SPACA7: variants seen among roughly 807,000 people sequenced by gnomAD.
SPACA7 encodes the protein sperm acrosome associated 7.
Under a neutral mutation model 26.3 loss-of-function variants are expected in SPACA7, and 19 were observed. The ratio of observed to expected loss-of-function variants is 0.72; its 90% CI spans 0.50 to 1.06. The LOEUF (loss-of-function observed/expected upper bound fraction) is 1.06, where lower values mean the gene tolerates loss of function less well. SPACA7 is among the 50% of genes least tolerant of loss of function. The pLI is 0.00. For synonymous variants in SPACA7, 84 were observed against 84.5 expected, an observed-to-expected ratio of 0.99 and a Z score of 0.04; for missense variants, 211 against 229.9, an observed-to-expected ratio of 0.92 and a Z score of 0.53.
At chr13:112,407,345 G>A (rs936392022) in intron 5 of SPACA7, among the ~76,000 whole-genome samples, 2 of 152,156 alleles carry the variant, frequency 1.3e-5, no homozygotes, top group Non-Finnish European at 2.9e-5. Context: ...AAAGCTAGCA[G>A]AAGGCAAGAA....
At chr13:112,391,688 A>C (rs1316004663) in intron 1 of SPACA7, among the ~76,000 whole-genome samples, 2 of 152,190 alleles carry the variant, frequency 1.3e-5, no homozygotes, top group Non-Finnish European at 2.9e-5. Context: ...TAAAACCCAA[A>C]TATTTTACTC....
intron 5 of SPACA7, among the ~76,000 whole-genome samples, chr13:112,404,519 T>C (rs1224317240): frequency 6.6e-6 from 1 of 152,212 alleles, no homozygotes; most frequent in Non-Finnish European, 1.5e-5. Context: ...TTTTTTCCAA[T>C]GTTATCTTCT....
At chr13:112,387,021 T>C (rs1471635319) in intron 1 of SPACA7, among the ~76,000 whole-genome samples, 1 of 152,094 alleles carries the variant, frequency 6.6e-6, no homozygotes, top group African/African-American at 2.4e-5. Flanking sequence ...AAATAAGAAA[T>C]CAGAAAGGAA....
chr13:112,393,204 A>G (rs1159953294), intron 2 of SPACA7, 127 bp downstream of exon 2: 1 of 659,552 alleles, frequency 1.5e-6, no homozygotes, highest in African/African-American at 1.8e-5. Flanking sequence ...GTTTGGGGCT[A>G]GAATCATATA....
At chr13:112,399,328 T>G (rs1298923122) in intron 4 of SPACA7, among the ~76,000 whole-genome samples, 155 bp downstream of exon 4, 1 of 152,258 alleles carries the variant, frequency 6.6e-6, no homozygotes. Context: ...TCTCCCAGTC[T>G]CTGTCGGGGC....
intron 1 of SPACA7, chr13:112,378,828 C>T: frequency 2.2e-6 from 1 of 460,372 alleles, no homozygotes; most frequent in Non-Finnish European, 4.5e-6. Context: ...ACATTCCAGT[C>T]AAAGCCTTGG....
chr13:112,386,073 G>A (rs1225514901), intron 1 of SPACA7, among the ~76,000 whole-genome samples: 2 of 152,202 alleles, frequency 1.3e-5, no homozygotes, highest in African/African-American at 4.8e-5. Flanking sequence ...TCCCCAAAAG[G>A]AGAAAAGTAC....
intron 5 of SPACA7, among the ~76,000 whole-genome samples, chr13:112,413,197 G>C: frequency 6.6e-6 from 1 of 152,056 alleles, no homozygotes; most frequent in Admixed American, 6.6e-5. Flanking sequence ...ATAATTGCTT[G>C]TTGCACATTA....
At chr13:112,427,139 CA>C (rs1876612425) in intron 5 of SPACA7, among the ~76,000 whole-genome samples, 1 of 152,180 alleles carries the variant, frequency 6.6e-6, no homozygotes, top group African/African-American at 2.4e-5. Context: ...CTGAGCATAG[CA>C]AATATTTTTT....
chr13:112,392,897 C>A, intron 1 of SPACA7, 124 bp from the exon 2 acceptor site: 1 of 663,320 alleles, frequency 1.5e-6, no homozygotes, highest in Non-Finnish European at 2.5e-6. Context: ...GAGACTGGAA[C>A]TTGGGCAGGG....
chr13:112,383,159 AAGAAAGAAAGAAAGAAAG>A (rs1566453445), intron 1 of SPACA7, among the ~76,000 whole-genome samples: 1 of 141,264 alleles, frequency 7.1e-6, no homozygotes, highest in East Asian at 2.0e-4. Context: ...GAAAGAAAGA[AAGAAAGAAAGAAAGAAAG>A]AAAGAAAGAA....
intron 5 of SPACA7, among the ~76,000 whole-genome samples, chr13:112,427,276 G>C (rs1442583445): frequency 6.6e-6 from 1 of 152,194 alleles, no homozygotes; most frequent in Non-Finnish European, 1.5e-5. Flanking sequence ...CTGTGTCCAA[G>C]GCAGCTTTAT....
intron 1 of SPACA7, among the ~76,000 whole-genome samples, chr13:112,382,049 G>A (rs1884107234): frequency 6.6e-6 from 1 of 152,196 alleles, no homozygotes; most frequent in Non-Finnish European, 1.5e-5. Context: ...GGAAAGAGCT[G>A]TTACCGTCTT....
chr13:112,385,930 G>A (rs1317023284), intron 1 of SPACA7, among the ~76,000 whole-genome samples: 1 of 152,162 alleles, frequency 6.6e-6, no homozygotes, highest in African/African-American at 2.4e-5. Flanking sequence ...TTGGATGACT[G>A]GCTTCAGGGT....
At chr13:112,411,280 C>A (rs1029146930) in intron 5 of SPACA7, among the ~76,000 whole-genome samples, 3 of 151,846 alleles carry the variant, frequency 2.0e-5, no homozygotes, top group Non-Finnish European at 4.4e-5. Context: ...TCTTATTACA[C>A]CACTTACTAT....
rs1285195144 is a variant in SPACA7, at chr13:112,399,079, T to A, written c.255T>A (p.Asp85Glu). The change falls in exon 4 of 7, where the codon GAT becomes GAA. Residue 85 changes from aspartate (D) to glutamate (E), a missense_variant. Physicochemically the swap from Asp to Glu is conservative, Grantham distance 45. Transcript: ENST00000283550. Reference protein sequence around the residue: ...TLSTPLHAGIDENYQAGGSEN... With the variant: ...TLSTPLHAGIEENYQAGGSEN... The stretch of plus-strand genomic sequence containing the variant: ...TCTTCATTGAAGATGCTGGTATTGA[T>A]GAGAATTATCAAGCTGGTGGTTCTG... 1.2e-6 allele frequency: 2 copies of A among 1,604,036 alleles called. No homozygotes were observed. The highest frequency in any genetic ancestry group is 2.2e-5 in the East Asian group (1 of 44,848).
chr13:112,388,758 A>G (rs1884693465), intron 1 of SPACA7, among the ~76,000 whole-genome samples: 1 of 152,186 alleles, frequency 6.6e-6, no homozygotes. Flanking sequence ...TTTTTTTATT[A>G]CTCAAATCAG....
intron 5 of SPACA7, among the ~76,000 whole-genome samples, chr13:112,418,040 C>T (rs867188795): frequency 6.6e-6 from 1 of 152,208 alleles, no homozygotes; most frequent in South Asian, 2.1e-4. Flanking sequence ...TAGGCAGCTG[C>T]CATAGTCCTT....
At chr13:112,414,388 CTTTTTTTTTTTTTTTTTTTT>C (rs869183760) in intron 5 of SPACA7, among the ~76,000 whole-genome samples, 3 of 31,376 alleles carry the variant, frequency 9.6e-5, no homozygotes, top group Non-Finnish European at 1.7e-4. Flanking sequence ...TTTTCTGTGT[CTTTTTTTTTTTTTTTTTTTT>C]TTTTTTTTTT....
Sources: gnomAD v4.1 joint callset for allele counts (sites outside exome capture counted in the v4.1 genomes callset) on GRCh38, gnomAD v4.1.1 for gene constraint, MANE v1.5 for transcripts, NCBI Gene and HGNC (gene_info 2026-07-23, HGNC 2026-07-21) for gene names.